The following RAPH1 variants were observed in gnomAD, a reference collection of about 807,000 sequenced individuals.
RAPH1 encodes ras-associated and pleckstrin homology domains-containing protein 1.
A neutral mutation model predicts 88.1 loss-of-function variants in RAPH1; 18 were observed. That is an observed-to-expected ratio of 0.20 (90% CI 0.14 to 0.30). RAPH1 has a LOEUF of 0.30. RAPH1 is among the 10% of genes least tolerant of loss of function. RAPH1 has a pLI of 1.00. For missense variants in RAPH1, 1,448 were observed against 1,543.2 expected (o/e 0.94, Z 1.03); for synonymous variants, 587 against 559.0 (o/e 1.05, Z -0.71).
intron 12 of RAPH1, chr2:203,445,229 C>A: frequency 2.3e-6 from 1 of 442,610 alleles, no homozygotes. Context: ...AAATATTTCA[C>A]CATGAGAGAC....
chr2:203,516,620 G>A (rs549641477), intron 1 of RAPH1, among the ~76,000 whole-genome samples: 6 of 152,260 alleles, frequency 3.9e-5, no homozygotes, highest in African/African-American at 1.4e-4. Context: ...TTGATGGTGT[G>A]CATCTGTAAT....
chr2:203,444,151 A>G, intron 13 of RAPH1: 1 of 150,232 alleles, frequency 6.7e-6, no homozygotes, highest in Non-Finnish European at 1.5e-5. Context: ...AGAGAGAGAG[A>G]GGCTGGGCAC....
chr2:203,478,009 C>T (rs1000275431), intron 4 of RAPH1, among the ~76,000 whole-genome samples: 2 of 151,826 alleles, frequency 1.3e-5, no homozygotes, highest in African/African-American at 4.8e-5. Flanking sequence ...TTCTGTAATT[C>T]ATTCTCAAAG....
At chr2:203,441,491 T>A (rs769421155) in intron 13 of RAPH1, 78 bp from the exon 14 acceptor site, 1 of 1,444,810 alleles carries the variant, frequency 6.9e-7, no homozygotes. Flanking sequence ...GCTTTGATTG[T>A]GTAAAACTAA....
intron 8 of RAPH1, among the ~76,000 whole-genome samples, chr2:203,457,328 AG>A (rs2098520458): frequency 6.6e-6 from 1 of 151,898 alleles, no homozygotes; most frequent in Non-Finnish European, 1.5e-5. Context: ...CTGGGATTAC[AG>A]GCGCCCACCA....
chr2:203,473,602 T>A (rs2098535000), intron 4 of RAPH1, among the ~76,000 whole-genome samples: 1 of 152,202 alleles, frequency 6.6e-6, no homozygotes, highest in African/African-American at 2.4e-5. Context: ...TCTTTGTGGG[T>A]TGCTCTGCTA....
chr2:203,468,310 A>G (rs1376484012), intron 4 of RAPH1, among the ~76,000 whole-genome samples: 1 of 152,074 alleles, frequency 6.6e-6, no homozygotes, highest in East Asian at 1.9e-4. Context: ...AACCCCAATC[A>G]AGACACTTGT....
At position 203,489,937 on chromosome 2, in the gene RAPH1, T is replaced by C. The variant is rs1688175674; in HGVS notation, c.379A>G (p.Thr127Ala). 6.2e-7 allele frequency: 1 copy of C among 1,614,122 alleles called. No individual in the cohort carries two copies. Among genetic ancestry groups the C allele is most frequent in the Non-Finnish European group, 8.5e-7 (1 of 1,180,048 alleles). Residue 127 changes from threonine to alanine, a missense_variant, in exon 4 of 14, where the codon ACA becomes GCA. Thr to Ala is a moderately conservative substitution (Grantham distance 58). Coordinates refer to ENST00000319170, the MANE Select transcript of RAPH1 (RefSeq NM_213589.3). ...CCTTTCAAGGTGCCATGTTTCAATGTATGTCGGCTAACAGGCAATTTCTGA... is the reference window on the plus strand; with the variant it reads ...CCTTTCAAGGTGCCATGTTTCAATGCATGTCGGCTAACAGGCAATTTCTGA... ...ATQKLPVSRH[T>A]LKHGTLKGLS...
rs750784154 is a variant in RAPH1 at position 203,440,310 on chromosome 2, G to C, written c.2880C>G (p.Thr960=). Residue 960 remains threonine (T), a synonymous_variant, in exon 14 of 14, where the codon ACC becomes ACG. Transcript: ENST00000319170. ...PDKSGSPGKK[T]SKTSSPGGKK... ...TTCCCCCAGGGCTGGACGTCTTACT[G>C]GTCTTTTTGCCTGGAGATCCACTTT... The C allele has an allele frequency of 1.2e-6, 2 of 1,613,270 alleles. No homozygotes were observed. The highest frequency in any genetic ancestry group is 1.7e-6 in the Non-Finnish European group (2 of 1,179,642).
At chr2:203,464,049 A>G (rs1180676017) in intron 4 of RAPH1, among the ~76,000 whole-genome samples, 1 of 152,216 alleles carries the variant, frequency 6.6e-6, no homozygotes, top group Admixed American at 6.5e-5. Flanking sequence ...GAAGAGAAAG[A>G]AGGAGGCAGA....
chr2:203,531,231 C>G (rs536745865), intron 1 of RAPH1, among the ~76,000 whole-genome samples: 2 of 149,248 alleles, frequency 1.3e-5, no homozygotes, highest in African/African-American at 5.0e-5. Context: ...TGGACTTCCT[C>G]AAAATTTAAA....
At chr2:203,478,709 G>C (rs556568341) in intron 4 of RAPH1, among the ~76,000 whole-genome samples, 1 of 152,086 alleles carries the variant, frequency 6.6e-6, no homozygotes, top group Admixed American at 6.5e-5. Context: ...GGCTGGCCTT[G>C]AACTCCTGAC....
intron 2 of RAPH1, among the ~76,000 whole-genome samples, chr2:203,493,009 AG>A (rs1688342350): frequency 6.6e-6 from 1 of 152,258 alleles, no homozygotes; most frequent in African/African-American, 2.4e-5. Flanking sequence ...ACAGGTGTAC[AG>A]ATAACACTGT....
chr2:203,455,455 A>C lies in RAPH1; in HGVS notation c.1284T>G (p.Val428=). The change falls in exon 9 of 14, where the codon GTT becomes GTG. Residue 428 remains valine, a synonymous_variant. Transcript: ENST00000319170. ...FLLRASGIYY[V]PKGKAKVSRD... ...GACACACCTTTGCTTTTCCTTTGGG[A>C]ACATAGTAGATACCAGATGCTCGCA... 1 of 1,613,536 alleles carries C rather than the reference A, an allele frequency of 6.2e-7. No homozygotes were observed. The highest frequency in any genetic ancestry group is 1.1e-5 in the South Asian group (1 of 90,864).
intron 1 of RAPH1, among the ~76,000 whole-genome samples, chr2:203,500,642 G>A (rs984030470): frequency 6.6e-6 from 1 of 152,120 alleles, no homozygotes; most frequent in Non-Finnish European, 1.5e-5. Flanking sequence ...CCAGGGTATT[G>A]CTTATACTCA....
At chr2:203,532,002 T>C (rs962198929) in intron 1 of RAPH1, among the ~76,000 whole-genome samples, 2 of 152,118 alleles carry the variant, frequency 1.3e-5, no homozygotes, top group African/African-American at 4.8e-5. Context: ...CAAATATCCA[T>C]AAATGTGGTA....
At chr2:203,482,625 C>A (rs867821114) in intron 4 of RAPH1, among the ~76,000 whole-genome samples, 3 of 152,026 alleles carry the variant, frequency 2.0e-5, no homozygotes, top group Non-Finnish European at 4.4e-5. Context: ...TAAAAATACA[C>A]TGTCATGTAT....
chr2:203,510,708 C>T (rs1220944924), intron 1 of RAPH1, among the ~76,000 whole-genome samples: 1 of 152,090 alleles, frequency 6.6e-6, no homozygotes, highest in Non-Finnish European at 1.5e-5. Context: ...CAGCTAAAAA[C>T]ACTAGAATTT....
At chr2:203,480,447 C>T (rs1687673651) in intron 4 of RAPH1, among the ~76,000 whole-genome samples, 1 of 152,116 alleles carries the variant, frequency 6.6e-6, no homozygotes, top group African/African-American at 2.4e-5. Context: ...ACTAGGGAGG[C>T]TGAGACACGA....
Sources: allele counts gnomAD v4.1 joint callset (sites outside exome capture counted in the v4.1 genomes callset), GRCh38; gene constraint gnomAD v4.1.1; transcripts MANE v1.5; gene names NCBI Gene and HGNC (gene_info 2026-07-23, HGNC 2026-07-21).